EPHB2: variants seen among roughly 807,000 people sequenced by gnomAD.
The protein encoded by EPHB2 is EPH receptor B2, also known as ephrin type-B receptor 2.
Under a neutral mutation model 96.4 loss-of-function variants are expected in EPHB2, and 18 were observed. The ratio of observed to expected loss-of-function variants is 0.19; its 90% CI spans 0.13 to 0.28. The LOEUF (loss-of-function observed/expected upper bound fraction) is 0.28. Among genes scored for constraint, EPHB2 ranks in the 10% least tolerant of loss-of-function variants. The pLI is 1.00. For missense variants in EPHB2, 989 were observed against 1,355.4 expected, an observed-to-expected ratio of 0.73 and a Z score of 4.25; for synonymous variants, 506 against 534.1, an observed-to-expected ratio of 0.95 and a Z score of 0.72.
chr1:22,731,796 C>T (rs986000385), intron 1 of EPHB2, among the ~76,000 whole-genome samples: 2 of 152,274 alleles, frequency 1.3e-5, no homozygotes, highest in Admixed American at 6.5e-5. Context: ...GCCAAGATCA[C>T]GCCACTGCAC....
chr1:22,717,240 GGGCAGCAGGCCAGGCAGTTGTTGATTGT>G (rs150920842), intron 1 of EPHB2, among the ~76,000 whole-genome samples: 6,131 of 152,282 alleles, frequency 0.04, 420 homozygotes, highest in African/African-American at 0.14. Flanking sequence ...CCCAGGGGTG[GGGCAGCAGGCCAGGCAGTTGTTGATTGT>G]GGCAGCACCT....
At chr1:22,802,577 C>T (rs897493924) in intron 3 of EPHB2, among the ~76,000 whole-genome samples, 3 of 152,028 alleles carry the variant, frequency 2.0e-5, no homozygotes, top group Admixed American at 6.5e-5. Context: ...ACTGAGGCTC[C>T]GAGAGGAGAA....
chr1:22,824,705 A>G (rs538674789), intron 3 of EPHB2, among the ~76,000 whole-genome samples: 1 of 152,366 alleles, frequency 6.6e-6, no homozygotes, highest in Admixed American at 6.5e-5. Context: ...GCTAATTAAC[A>G]TCTTGGAGTG....
Position 22,906,203 on chromosome 1 carries a change from G to A in EPHB2, c.1888+94G>A, listed in dbSNP as rs1421657664. ...CCCTTGGGGCAGAAGGTAGGATGTG[G>A]GACAGGCGCCTCAAAGGACCCCCCA... On this transcript the variant is annotated intron_variant, in intron 10 of 15. Coordinates refer to ENST00000374630, the MANE Select transcript of EPHB2 (RefSeq NM_017449.5). This position sits in a 1 kb window ranked among gnomAD's most constrained non-coding sequence, Gnocchi z 4.8. The A allele has an allele frequency of 2.5e-6, 4 of 1,589,034 alleles. No homozygotes were observed. Among genetic ancestry groups the A allele is most frequent in the South Asian group, 2.3e-5 (2 of 88,744 alleles).
intron 5 of EPHB2, among the ~76,000 whole-genome samples, 154 bp from the exon 6 acceptor site, chr1:22,882,203 CCT>C (rs1557732864): frequency 6.6e-6 from 1 of 152,164 alleles, no homozygotes; most frequent in Non-Finnish European, 1.5e-5. Flanking sequence ...CCCTCTGCCC[CCT>C]GTCGGCTCCC....
In EPHB2 at chr1:22,778,002, G is replaced by T. The variant is rs80146525; in HGVS notation, c.62-3419G>T. 1.6e-3 allele frequency among the ~76,000 whole-genome samples: 245 copies of T among 148,792 alleles called. 7 individuals are homozygous for T. The East Asian group carries it at 0.043, about 26-fold the overall frequency. On this transcript the variant is annotated intron_variant, in intron 1 of 15. Coordinates refer to ENST00000374630, the MANE Select transcript of EPHB2 (RefSeq NM_017449.5). Reference sequence around the variant, plus strand: ...TTAACAAGAGGTAGAACAAATAAAGGTCCGTTTGTTTGTTTGTTTGTTTTG... The same window carrying T: ...TTAACAAGAGGTAGAACAAATAAAGTTCCGTTTGTTTGTTTGTTTGTTTTG...
chr1:22,798,751 TGTTGTTAAATGAGACCA>T lies in EPHB2; in HGVS notation c.811+13678_811+13694del, dbSNP rs576172051. On this transcript the variant is annotated intron_variant, in intron 3 of 15. Transcript: ENST00000374630. ...TCCTTTTCCTGAGCCTCAGTTTCCCTGTTGTTAAATGAGACCAGTAGTCTCATTTAACAACAGGTTTG... is the reference window on the plus strand; with the variant it reads ...TCCTTTTCCTGAGCCTCAGTTTCCCTGTAGTCTCATTTAACAACAGGTTTG... 2.6e-3 allele frequency among the ~76,000 whole-genome samples: 403 copies of T among 152,200 alleles called. 1 individual carries two copies. The highest frequency in any genetic ancestry group is 9.1e-3 in the African/African-American group (379 of 41,532).
chr1:22,754,930 T>G (rs78061086), intron 1 of EPHB2, among the ~76,000 whole-genome samples: 2 of 15,522 alleles, frequency 1.3e-4, no homozygotes, highest in African/African-American at 4.2e-4. Flanking sequence ...GGAGGTGAGG[T>G]GAGGGGCAGG....
chr1:22,823,920 G>A (rs897107351), intron 3 of EPHB2, among the ~76,000 whole-genome samples: 7 of 152,246 alleles, frequency 4.6e-5, no homozygotes, highest in Non-Finnish European at 1.0e-4. Context: ...GACAGTGAGC[G>A]AGTGAGTGGC....
chr1:22,759,694 G>A (rs1392530832), intron 1 of EPHB2, among the ~76,000 whole-genome samples: 2 of 152,154 alleles, frequency 1.3e-5, no homozygotes, highest in Non-Finnish European at 2.9e-5. Flanking sequence ...CTGAGCCTTT[G>A]GCCAGGGAAT....
intron 1 of EPHB2, among the ~76,000 whole-genome samples, chr1:22,749,373 A>G (rs930303296): frequency 6.6e-6 from 1 of 152,126 alleles, no homozygotes; most frequent in African/African-American, 2.4e-5. Flanking sequence ...CCCTGGAAAA[A>G]AAGAGGAATG....
At chr1:22,840,064 G>T (rs2148496517) in intron 3 of EPHB2, among the ~76,000 whole-genome samples, 1 of 152,284 alleles carries the variant, frequency 6.6e-6, no homozygotes, top group Admixed American at 6.5e-5. Context: ...ATCTTGGACG[G>T]ATATGTGGAT....
In EPHB2 at chr1:22,860,123, A is replaced by T. The variant is rs756773780; in HGVS notation, c.812-2914A>T. Among the ~76,000 whole-genome samples, 3 of 152,044 alleles carry T rather than the reference A, an allele frequency of 2.0e-5. No homozygotes were observed. Among genetic ancestry groups the T allele is most frequent in the Non-Finnish European group, 2.9e-5 (2 of 67,986 alleles). On this transcript the variant is annotated intron_variant, in intron 3 of 15. Coordinates refer to ENST00000374630, the MANE Select transcript of EPHB2 (RefSeq NM_017449.5). The surrounding 1 kb of genome is among the most constrained non-coding windows in gnomAD (Gnocchi z 4.6). ...TCGTTCCTTTTTATGGCCGAATAGT[A>T]TTCCAACGTATGTGCCATTGTGGAT...
At chr1:22,764,887 G>C (rs2148399247) in intron 1 of EPHB2, among the ~76,000 whole-genome samples, 1 of 152,346 alleles carries the variant, frequency 6.6e-6, no homozygotes. Context: ...TCCAGTGGCA[G>C]ATACAAGAAC....
Position 22,914,891 on chromosome 1 carries a change from G to A in EPHB2, c.*1321G>A, listed in dbSNP as rs1000292470. 6.6e-6 allele frequency: 1 copy of A among 152,558 alleles called. No individual in the cohort carries two copies. The highest frequency in any genetic ancestry group is 6.5e-5 in the Admixed American group (1 of 15,282). The allele number at this position is 152,558 out of a possible 1,614,324, so 9.5% of individuals were successfully genotyped here. A position where few individuals can be genotyped will look rare whatever the true frequency, so the allele number is the denominator to read the frequency against. Reference sequence around the variant, plus strand: ...ACAGATTGAGGAGGAAGTGGGCTCTGAGGCTGCAGGGCTGGAAGTCCTTGC... The same window carrying A: ...ACAGATTGAGGAGGAAGTGGGCTCTAAGGCTGCAGGGCTGGAAGTCCTTGC... On this transcript the variant is annotated 3_prime_UTR_variant, in exon 16 of 16. Coordinates refer to ENST00000374630, the MANE Select transcript of EPHB2 (RefSeq NM_017449.5).
chr1:22,791,050 A>G (rs1047155805), intron 3 of EPHB2, among the ~76,000 whole-genome samples: 14 of 152,276 alleles, frequency 9.2e-5, no homozygotes, highest in East Asian at 7.7e-4. Context: ...ACCCTCTCCC[A>G]ACCTTTGTTT....
At chr1:22,774,597 T>C in intron 1 of EPHB2, 1 of 985,332 alleles carries the variant, frequency 1.0e-6, no homozygotes, top group Non-Finnish European at 1.2e-6. Context: ...GAGGAAATTT[T>C]GGATGGCTGG....
At chr1:22,809,964 T>C (rs1402339704) in intron 3 of EPHB2, among the ~76,000 whole-genome samples, 1 of 152,146 alleles carries the variant, frequency 6.6e-6, no homozygotes. Flanking sequence ...GGGCTTCACT[T>C]AGGAAACAAA....
chr1:22,769,919 T>C (rs1161481004), intron 1 of EPHB2, among the ~76,000 whole-genome samples: 1 of 151,986 alleles, frequency 6.6e-6, no homozygotes, highest in East Asian at 1.9e-4. Flanking sequence ...AAAACCGAAG[T>C]GGGATGCTGG....
Sources: gnomAD v4.1 joint callset for allele counts (sites outside exome capture counted in the v4.1 genomes callset) on GRCh38, gnomAD v4.1.1 for gene constraint, Gnocchi (gnomAD v3.1) non-coding constraint, MANE v1.5 for transcripts, NCBI Gene and HGNC (gene_info 2026-07-23, HGNC 2026-07-21) for gene names.